The following SUN1 variants were observed in gnomAD, a reference collection of about 807,000 sequenced individuals.
The protein encoded by SUN1 is SUN domain-containing protein 1.
SUN1 carries 61 observed loss-of-function variants against 103.2 expected under a neutral mutation model. The observed-to-expected ratio is 0.59, with a 90% CI of 0.48 to 0.73. SUN1 has a LOEUF of 0.73. Ranked by LOEUF, SUN1 falls within the 30% of genes least tolerant of loss-of-function variation. The probability of loss-of-function intolerance (pLI) is 0.00; values close to 1 mark genes in which losing one functional copy is unlikely to be tolerated. For missense variants in SUN1, 1,052 were observed against 1,034.6 expected, an observed-to-expected ratio of 1.02 and a Z score of -0.23; for synonymous variants, 490 against 425.7, an observed-to-expected ratio of 1.15 and a Z score of -1.86.
intron 1 of SUN1, chr7:817,520 T>C (rs1250348455): frequency 2.0e-6 from 3 of 1,535,428 alleles, no homozygotes; most frequent in Non-Finnish European, 2.6e-6. Flanking sequence ...CGGTCCGAGG[T>C]CTCTGCTCTC....
At chr7:868,602 C>T (rs1184918883) in intron 16 of SUN1, 2 of 79,804 alleles carry the variant, frequency 2.5e-5, no homozygotes, top group Admixed American at 2.0e-4. Flanking sequence ...TGGTGTTGGT[C>T]GGATGGGGGG....
rs985522821 is a variant in SUN1 at position 852,503 on chromosome 7, T to C, written c.852-106T>C. On this transcript the variant is annotated intron_variant, in intron 7 of 18. Transcript: ENST00000401592. ...GATAAAACCGTAACTGCTTTTCTAA[T>C]ACTGGGGGGGTGGATTTTGCACAAA... 6.4e-5 allele frequency: 85 copies of C among 1,325,046 alleles called. 1 individual carries two copies. Among genetic ancestry groups the C allele is most frequent in the Non-Finnish European group, 8.2e-5 (76 of 922,492 alleles). 82.1% of individuals were successfully genotyped at this position (1,325,046 alleles called of 1,614,324 possible). A position where few individuals can be genotyped will look rare whatever the true frequency, so the allele number is the denominator to read the frequency against.
upstream of SUN1, among the ~76,000 whole-genome samples, chr7:829,079 C>T (rs187051661): frequency 2.6e-5 from 4 of 152,254 alleles, no homozygotes; most frequent in African/African-American, 4.8e-5. Context: ...AGGAGCATCA[C>T]GCCTGCAGAC....
At chr7:831,255 C>G (rs919134627), upstream of SUN1, among the ~76,000 whole-genome samples, 3 of 148,400 alleles carry the variant, frequency 2.0e-5, no homozygotes, top group African/African-American at 7.4e-5. Context: ...CTGGAAAGAA[C>G]AAGAGTTTTG....
chr7:864,219 T>C (rs1415895073), intron 15 of SUN1, among the ~76,000 whole-genome samples: 2 of 151,998 alleles, frequency 1.3e-5, no homozygotes, highest in Non-Finnish European at 1.5e-5. Context: ...ATTTATCCTT[T>C]GAGTTACAAA....
chr7:851,701 G>A (rs10234084), intron 6 of SUN1: 21,468 of 632,882 alleles, frequency 0.034, 1,052 homozygotes, highest in East Asian at 0.15. Context: ...GGGGAAGTCC[G>A]GCTGCCTGAA....
chr7:835,632 G>A (rs377129782), intron 1 of SUN1, among the ~76,000 whole-genome samples: 3 of 152,248 alleles, frequency 2.0e-5, no homozygotes, highest in Non-Finnish European at 2.9e-5. Context: ...CTTCATTGGC[G>A]TGACTCTGTG....
At chr7:823,904 G>A (rs1422558818) in intron 1 of SUN1, among the ~76,000 whole-genome samples, 2 of 152,212 alleles carry the variant, frequency 1.3e-5, no homozygotes, top group African/African-American at 2.4e-5. Flanking sequence ...GAAATAAAAC[G>A]ATGCCTGTGT....
chr7:832,046 T>A, upstream of SUN1: 1 of 988,516 alleles, frequency 1.0e-6, no homozygotes, highest in Non-Finnish European at 1.2e-6. Flanking sequence ...GAGATGCTTG[T>A]GAGAGCTTCA....
Position 853,481 on chromosome 7 carries a change from T to A in SUN1, c.1126T>A (p.Cys376Ser). The stretch of plus-strand genomic sequence containing the variant: ...GCAGGTGGCCTCTCTGTCTGGACAG[T>A]GCCACCACCATGGTGAGAATCTCCG... Reference protein sequence around the residue: ...EQQVASLSGQCHHHGENLREL... With the variant: ...EQQVASLSGQSHHHGENLREL... Residue 376 changes from cysteine (C) to serine (S), a missense_variant, in exon 10 of 19, where the codon TGC becomes AGC. Physicochemically the swap from Cys to Ser is moderately radical, Grantham distance 112. Transcript: ENST00000401592. The A allele has an allele frequency of 6.2e-7, 1 of 1,614,052 alleles. No homozygotes were observed. The highest frequency in any genetic ancestry group is 8.5e-7 in the Non-Finnish European group (1 of 1,180,040).
chr7:817,152 G>GTC, intron 1 of SUN1: 1 of 455,986 alleles, frequency 2.2e-6, no homozygotes, highest in Non-Finnish European at 4.0e-6. Flanking sequence ...AAGAGGGGGG[G>GTC]TCTCGCTGTG....
At chr7:838,417 G>A (rs1225134812) in intron 1 of SUN1, among the ~76,000 whole-genome samples, 1 of 152,124 alleles carries the variant, frequency 6.6e-6, no homozygotes, top group Non-Finnish European at 1.5e-5. Flanking sequence ...CTGGTGTATT[G>A]GATTAAATCT....
At chr7:827,169 G>A (rs1334135615) in intron 1 of SUN1, among the ~76,000 whole-genome samples, 4 of 151,538 alleles carry the variant, frequency 2.6e-5, no homozygotes, top group South Asian at 4.2e-4. Flanking sequence ...CTACAGGCAC[G>A]TGCCACCACG....
chr7:870,511 A>G (rs1019306077), intron 17 of SUN1, among the ~76,000 whole-genome samples: 2 of 152,096 alleles, frequency 1.3e-5, no homozygotes, highest in African/African-American at 4.8e-5. Flanking sequence ...ACTTGAACCC[A>G]GGAGGCGGTG....
chr7:868,456 C>G, intron 16 of SUN1: 2 of 294,432 alleles, frequency 6.8e-6, no homozygotes, highest in South Asian at 5.8e-5. Flanking sequence ...TGCATTTTCC[C>G]AGGGCATCAG....
intron 1 of SUN1, among the ~76,000 whole-genome samples, chr7:834,665 G>A (rs986054977): frequency 6.6e-6 from 1 of 152,206 alleles, no homozygotes; most frequent in Non-Finnish European, 1.5e-5. Flanking sequence ...TGGAGCGGCC[G>A]TTCCTGATGG....
chr7:852,643 C>G lies in SUN1; in HGVS notation c.886C>G (p.Leu296Val). ...LRNICKFLVL[L>V]IPLFLLLAGL... Reference sequence around the variant, plus strand: ...AAACATCTGCAAGTTTTTAGTCTTGCTCATCCCACTCTTCCTTTTACTAGG... The same window carrying G: ...AAACATCTGCAAGTTTTTAGTCTTGGTCATCCCACTCTTCCTTTTACTAGG... Residue 296 changes from leucine to valine, a missense_variant, in exon 8 of 19, where the codon CTC (leucine) becomes GTC (valine). Around this residue, in one of 2 missense-constraint regions of SUN1, gnomAD observed 846 missense variants for 774.5 expected, o/e 1.09. Transcript: ENST00000401592. The G allele has an allele frequency of 6.2e-7, 1 of 1,614,180 alleles. No homozygotes were observed.
intron 15 of SUN1, 32 bp from the exon 16 acceptor site, chr7:865,920 G>T: frequency 6.3e-7 from 1 of 1,587,294 alleles, no homozygotes; most frequent in Admixed American, 1.7e-5. Flanking sequence ...GGTGGAACTG[G>T]ACACTGAGAC....
rs547404802 is a variant in SUN1 at position 856,379 on chromosome 7, C to G, written c.1372C>G (p.Gln458Glu). The change falls in exon 12 of 19, where the codon CAG (glutamine) becomes GAG (glutamate). Residue 458 changes from glutamine (Q) to glutamate (E), a missense_variant. Coordinates refer to ENST00000401592, the MANE Select transcript of SUN1 (RefSeq NM_001130965.3). ...KSEAIQKELEQTKQKTISAVG... is the reference protein window; with the variant it reads ...KSEAIQKELEETKQKTISAVG... ...TTAGGCCATCCAGAAGGAACTAGAA[C>G]AGACCAAGCAAAAAACAATCAGGTA... 11 of 1,614,018 alleles carry G rather than the reference C, an allele frequency of 6.8e-6. No individual in the cohort carries two copies. In the African/African-American group the frequency reaches 1.3e-4, roughly 20 times the overall value.
Sources: gnomAD v4.1 joint callset for allele counts (sites outside exome capture counted in the v4.1 genomes callset) on GRCh38, gnomAD v4.1.1 for gene constraint, gnomAD v4.1.1 regional missense constraint, MANE v1.5 for transcripts, NCBI Gene and HGNC (gene_info 2026-07-23, HGNC 2026-07-21) for gene names.